CACHD1: variants seen among roughly 807,000 people sequenced by gnomAD.
CACHD1 encodes cache domain containing 1, also known as VWFA and cache domain-containing protein 1.
In CACHD1, 71 loss-of-function variants were observed where a neutral mutation model predicts 138.7. The observed-to-expected ratio is 0.51, with a 90% CI of 0.42 to 0.62. The LOEUF is 0.62. Among genes scored for constraint, CACHD1 ranks in the 20% least tolerant of loss-of-function variants. The pLI, the probability that CACHD1 is intolerant of heterozygous loss-of-function variation, is 0.00. For synonymous variants in CACHD1, 578 were observed against 591.5 expected (o/e 0.98, Z 0.33); for missense variants, 1,389 against 1,625.3 (o/e 0.85, Z 2.50).
At position 64,647,821 on chromosome 1, in the gene CACHD1, G is replaced by T; in HGVS notation, c.1177G>T (p.Glu393Ter). ...TTTAGATGGGGTGACTGGTTTGAAA[G>T]AGCTGGCTTTTCTGAGGGATCTAGC... ...LMNDGVTGLK[E>*]LAFLRDLAEQ... Residue 393 changes from glutamate (E) to a stop codon, truncating the protein, a stop_gained, in exon 9 of 27, where the codon GAG becomes TAG. Transcript: ENST00000651257. LOFTEE classifies it high-confidence loss of function. 1 of 1,614,174 alleles carries T rather than the reference G, an allele frequency of 6.2e-7. No homozygotes were observed. Among genetic ancestry groups the T allele is most frequent in the South Asian group, 1.1e-5 (1 of 91,072 alleles).
At chr1:64,530,140 T>C (rs1372458631) in intron 1 of CACHD1, among the ~76,000 whole-genome samples, 1 of 152,220 alleles carries the variant, frequency 6.6e-6, no homozygotes, top group Non-Finnish European at 1.5e-5. Context: ...AAATTATGTT[T>C]AGCGTTTTGC....
At chr1:64,518,078 G>T (rs1646471572) in intron 1 of CACHD1, among the ~76,000 whole-genome samples, 1 of 152,198 alleles carries the variant, frequency 6.6e-6, no homozygotes. Context: ...CCTGGGAGGT[G>T]TTGGTTTGGT....
chr1:64,664,182 T>C, intron 14 of CACHD1: 1 of 451,878 alleles, frequency 2.2e-6, no homozygotes, highest in Non-Finnish European at 3.9e-6. Flanking sequence ...TAAATATAAG[T>C]ATAAAGTTTA....
chr1:64,579,532 A>G (rs769463940), intron 2 of CACHD1, among the ~76,000 whole-genome samples: 2 of 152,196 alleles, frequency 1.3e-5, no homozygotes, highest in Non-Finnish European at 2.9e-5. Flanking sequence ...CAAGGGCAAT[A>G]AAGGACTATG....
chr1:64,665,441 T>C (rs576471736), intron 15 of CACHD1, among the ~76,000 whole-genome samples: 55 of 150,704 alleles, frequency 3.6e-4, no homozygotes, highest in African/African-American at 1.2e-3. Flanking sequence ...GCCTGGGCGA[T>C]AGAATGAGAC....
chr1:64,550,686 T>A, intron 2 of CACHD1, 30 bp downstream of exon 2: 1 of 1,456,414 alleles, frequency 6.9e-7, no homozygotes, highest in Non-Finnish European at 9.6e-7. Flanking sequence ...TGACACTCCC[T>A]GTCTTTGTCT....
chr1:64,563,369 A>G (rs1484242780), intron 2 of CACHD1, among the ~76,000 whole-genome samples: 3 of 148,774 alleles, frequency 2.0e-5, no homozygotes, highest in Admixed American at 6.9e-5. Flanking sequence ...ATTTTACTCA[A>G]GTATACACTC....
intron 4 of CACHD1, among the ~76,000 whole-genome samples, chr1:64,610,416 G>A (rs972495038): frequency 8.5e-5 from 13 of 152,150 alleles, no homozygotes; most frequent in Non-Finnish European, 1.8e-4. Context: ...AAGCAAGTTA[G>A]TTACTTCCTA....
chr1:64,673,813 C>G (rs11208500), intron 19 of CACHD1, among the ~76,000 whole-genome samples: 94,685 of 152,082 alleles, frequency 0.62, 32,437 homozygotes, highest in Non-Finnish European at 0.79. Flanking sequence ...TTCCTGTCTT[C>G]TAGAGATCAC....
chr1:64,478,041 T>G (rs1646186157), intron 1 of CACHD1, among the ~76,000 whole-genome samples: 1 of 152,214 alleles, frequency 6.6e-6, no homozygotes, highest in Admixed American at 6.5e-5. Context: ...ATAATATGTA[T>G]AATATATTGG....
At chr1:64,568,772 A>G (rs755972994) in intron 2 of CACHD1, among the ~76,000 whole-genome samples, 59 of 152,334 alleles carry the variant, frequency 3.9e-4, no homozygotes, top group Non-Finnish European at 5.7e-4. Context: ...CTGCTTACAT[A>G]CACTCATGCA....
intron 1 of CACHD1, among the ~76,000 whole-genome samples, chr1:64,520,743 C>T (rs1353394639): frequency 6.6e-6 from 1 of 152,298 alleles, no homozygotes; most frequent in East Asian, 1.9e-4. Flanking sequence ...CATGTCTTGT[C>T]ACTGGGTGGG....
At chr1:64,471,330 T>A (rs1475592870) in intron 1 of CACHD1, among the ~76,000 whole-genome samples, 1 of 152,214 alleles carries the variant, frequency 6.6e-6, no homozygotes, top group Non-Finnish European at 1.5e-5. Context: ...ACTCCCCCTT[T>A]GTGTCCCCAT....
chr1:64,572,357 T>C (rs1646933400), intron 2 of CACHD1, among the ~76,000 whole-genome samples: 2 of 152,166 alleles, frequency 1.3e-5, no homozygotes, highest in African/African-American at 2.4e-5. Context: ...GGGGCTCCTG[T>C]TACAGAGTGA....
intron 2 of CACHD1, chr1:64,579,891 C>T (rs17126710): frequency 0.023 from 3,320 of 147,436 alleles, 111 homozygotes; most frequent in African/African-American, 0.08. Flanking sequence ...CCTAACAGTG[C>T]TTGTAGTCTC....
At chr1:64,482,562 C>T (rs1194727409) in intron 1 of CACHD1, among the ~76,000 whole-genome samples, 1 of 152,060 alleles carries the variant, frequency 6.6e-6, no homozygotes. Context: ...TGGGGGAAAA[C>T]CTGGAGAACA....
At chr1:64,638,564 G>T (rs1181599648) in intron 7 of CACHD1, among the ~76,000 whole-genome samples, 1 of 152,120 alleles carries the variant, frequency 6.6e-6, no homozygotes, top group Non-Finnish European at 1.5e-5. Flanking sequence ...TTGTTTTGGA[G>T]CTGATTAGTT....
chr1:64,533,802 G>T (rs1224586799), intron 1 of CACHD1, among the ~76,000 whole-genome samples: 1 of 146,638 alleles, frequency 6.8e-6, no homozygotes, highest in Non-Finnish European at 1.5e-5. Flanking sequence ...GTCCAGGCTG[G>T]AGTGCAGTGG....
At chr1:64,634,909 T>A (rs771763557) in intron 7 of CACHD1, among the ~76,000 whole-genome samples, 20 of 137,476 alleles carry the variant, frequency 1.5e-4, no homozygotes, top group Admixed American at 1.7e-4. Context: ...GGCAGGAGAA[T>A]CACTTGAACC....
Sources: allele counts gnomAD v4.1 joint callset (sites outside exome capture counted in the v4.1 genomes callset), GRCh38; gene constraint gnomAD v4.1.1; transcripts MANE v1.5; gene names NCBI Gene and HGNC (gene_info 2026-07-23, HGNC 2026-07-21).